Variants in CPA6 observed in about 807,000 individuals in gnomAD.
CPA6 encodes carboxypeptidase B.
In CPA6, 58 loss-of-function variants were observed where a neutral mutation model predicts 63.3. That is an observed-to-expected ratio of 0.92 (90% CI 0.74 to 1.14). CPA6 has a LOEUF of 1.14. CPA6 is among the 50% of genes most tolerant of loss of function. The pLI, the probability that CPA6 is intolerant of heterozygous loss-of-function variation, is 0.00. For synonymous variants in CPA6, 185 were observed against 179.0 expected (o/e 1.03, Z -0.27); for missense variants, 565 against 526.6 (o/e 1.07, Z -0.71).
At chr8:67,461,012 C>T (rs1234523891) in intron 8 of CPA6, among the ~76,000 whole-genome samples, 5 of 149,480 alleles carry the variant, frequency 3.3e-5, no homozygotes, top group African/African-American at 5.0e-5. Flanking sequence ...TGAGCGGAGG[C>T]GTGAGGAATG....
chr8:67,663,232 G>A lies in CPA6; in HGVS notation c.117-38981C>T, dbSNP rs1475987732. Reference sequence around the variant, plus strand: ...AATAACAACTGAAAACCAGTAAAGAGCTTTTAAAATTTATAATGTGTAGGT... The same window carrying A: ...AATAACAACTGAAAACCAGTAAAGAACTTTTAAAATTTATAATGTGTAGGT... On this transcript the variant is annotated intron_variant, in intron 1 of 10. Coordinates refer to ENST00000297770, the MANE Select transcript of CPA6 (RefSeq NM_020361.5). Among the ~76,000 whole-genome samples, 7 of 152,104 alleles carry A rather than the reference G, an allele frequency of 4.6e-5. No individual in the cohort carries two copies. The East Asian group carries it at 1.2e-3, about 25-fold the overall frequency.
intron 10 of CPA6, among the ~76,000 whole-genome samples, chr8:67,425,764 T>C (rs1809868540): frequency 6.6e-6 from 1 of 152,212 alleles, no homozygotes; most frequent in South Asian, 2.1e-4. Flanking sequence ...GAAAATAGGC[T>C]GTGGCTTCAG....
chr8:67,717,917 T>C (rs957534749), intron 1 of CPA6, among the ~76,000 whole-genome samples: 1 of 152,142 alleles, frequency 6.6e-6, no homozygotes, highest in African/African-American at 2.4e-5. Flanking sequence ...GAGAGTTCAA[T>C]TGGAATATGG....
intron 1 of CPA6, among the ~76,000 whole-genome samples, chr8:67,670,229 C>T (rs1228234824): frequency 6.6e-6 from 1 of 152,154 alleles, no homozygotes; most frequent in Non-Finnish European, 1.5e-5. Context: ...GTACAGGAAA[C>T]ATAATGGCTT....
At chr8:67,674,219 C>T (rs1331145083) in intron 1 of CPA6, among the ~76,000 whole-genome samples, 1 of 152,174 alleles carries the variant, frequency 6.6e-6, no homozygotes, top group Admixed American at 6.5e-5. Context: ...TTTCAGGGCT[C>T]AGGCTTAGGA....
At chr8:67,632,047 C>A (rs1014377890) in intron 1 of CPA6, among the ~76,000 whole-genome samples, 2 of 152,192 alleles carry the variant, frequency 1.3e-5, no homozygotes, top group African/African-American at 4.8e-5. Context: ...ACCAAGAACC[C>A]ACCAATTCTG....
chr8:67,476,698 C>T (rs1464881465), intron 8 of CPA6, among the ~76,000 whole-genome samples: 1 of 152,072 alleles, frequency 6.6e-6, no homozygotes, highest in Non-Finnish European at 1.5e-5. Flanking sequence ...CAACTTGATC[C>T]CTAAGGAGTC....
At chr8:67,710,752 G>T (rs1817243036) in intron 1 of CPA6, among the ~76,000 whole-genome samples, 1 of 146,448 alleles carries the variant, frequency 6.8e-6, no homozygotes, top group Non-Finnish European at 1.5e-5. Context: ...TTAGTCTGTT[G>T]GGGGGGGCTT....
rs1375247475 is a variant in CPA6 at position 67,629,779 on chromosome 8, A to C, written c.117-5528T>G. ...TCATTTATTGTCATGGCTTTGTATG[A>C]TTTTGCCTATGAGTTTTTATTTTAC... On this transcript the variant is annotated intron_variant, in intron 1 of 10. Coordinates refer to ENST00000297770, the MANE Select transcript of CPA6 (RefSeq NM_020361.5). Among the ~76,000 whole-genome samples, 3 of 151,932 alleles carry C rather than the reference A, an allele frequency of 2.0e-5. No homozygotes were observed. The East Asian group carries it at 5.8e-4, about 29-fold the overall frequency.
chr8:67,661,355 G>A (rs1467265946), intron 1 of CPA6, among the ~76,000 whole-genome samples: 3 of 152,160 alleles, frequency 2.0e-5, no homozygotes, highest in African/African-American at 4.8e-5. Flanking sequence ...GTACAGAGGC[G>A]GGAGGGAGGC....
At chr8:67,468,509 C>T (rs1202151702) in intron 8 of CPA6, among the ~76,000 whole-genome samples, 1 of 151,508 alleles carries the variant, frequency 6.6e-6, no homozygotes, top group Non-Finnish European at 1.5e-5. Context: ...TCGCTTGAAC[C>T]TGGGAGGTGA....
rs1038189097 is a variant in CPA6 at position 67,434,254 on chromosome 8, A to C, written c.839-14T>G. 1 of 1,608,690 alleles carries C rather than the reference A, an allele frequency of 6.2e-7. No individual in the cohort carries two copies. Among genetic ancestry groups the C allele is most frequent in the African/African-American group, 1.3e-5 (1 of 74,802 alleles). On this transcript the variant is annotated splice_polypyrimidine_tract_variant and intron_variant, in intron 8 of 10. Transcript: ENST00000297770. ...AAGCTCCTTCATCTGCAAGTCAGAA[A>C]AGAAAATGGGGTAAGGAAGTGGGCA...
At chr8:67,527,327 T>A (rs183563670) in intron 2 of CPA6, among the ~76,000 whole-genome samples, 2 of 152,350 alleles carry the variant, frequency 1.3e-5, no homozygotes, top group East Asian at 3.9e-4. Context: ...TAGATTTTGT[T>A]ATGCATTTCC....
chr8:67,662,359 A>C (rs1480380125), intron 1 of CPA6, among the ~76,000 whole-genome samples: 2 of 152,152 alleles, frequency 1.3e-5, no homozygotes, highest in Non-Finnish European at 2.9e-5. Flanking sequence ...AAGGTCATAA[A>C]GAGTGATGTT....
intron 1 of CPA6, among the ~76,000 whole-genome samples, chr8:67,685,753 A>G (rs1298087566): frequency 6.6e-6 from 1 of 152,244 alleles, no homozygotes; most frequent in Non-Finnish European, 1.5e-5. Flanking sequence ...CATTTGTGGC[A>G]TATACCACAT....
chr8:67,562,133 A>G (rs1256325025), intron 2 of CPA6, among the ~76,000 whole-genome samples: 2 of 152,206 alleles, frequency 1.3e-5, no homozygotes, highest in Non-Finnish European at 2.9e-5. Flanking sequence ...AGAGAAGAGC[A>G]GTGTCAATAC....
chr8:67,422,745 T>C lies in CPA6; in HGVS notation c.1127-54A>G. 2.2e-6 allele frequency: 3 copies of C among 1,387,114 alleles called. No homozygotes were observed. The South Asian group carries it at 4.0e-5, about 18-fold the overall frequency. 85.9% of individuals were successfully genotyped at this position (1,387,114 alleles called of 1,614,324 possible). A position where few individuals can be genotyped will look rare whatever the true frequency, so the allele number is the denominator to read the frequency against. On this transcript the variant is annotated intron_variant, in intron 10 of 10. Transcript: ENST00000297770. ...CAGCCTCACTAAAGAGTCAGTATAA[T>C]TTTCTAAATGTATATACTATAAAGT...
At chr8:67,711,573 G>GGGTGGGATGGGAGACA (rs1302385528) in intron 1 of CPA6, among the ~76,000 whole-genome samples, 3 of 152,102 alleles carry the variant, frequency 2.0e-5, no homozygotes, top group Non-Finnish European at 4.4e-5. Context: ...CTCTTGGTTG[G>GGGTGGGATGGGAGACA]GGTGGGATGG....
At chr8:67,708,940 T>C (rs368908941) in intron 1 of CPA6, among the ~76,000 whole-genome samples, 4 of 152,104 alleles carry the variant, frequency 2.6e-5, no homozygotes, top group African/African-American at 7.2e-5. Flanking sequence ...TAATCACTGG[T>C]TGTGGCTGGT....
Sources: gnomAD v4.1 joint callset for allele counts (sites outside exome capture counted in the v4.1 genomes callset) on GRCh38, gnomAD v4.1.1 for gene constraint, MANE v1.5 for transcripts, NCBI Gene and HGNC (gene_info 2026-07-23, HGNC 2026-07-21) for gene names.